SLC2A6: variants seen among roughly 807,000 people sequenced by gnomAD.
The protein encoded by SLC2A6 is solute carrier family 2, facilitated glucose transporter member 6.
In SLC2A6, 39 loss-of-function variants were observed where a neutral mutation model predicts 47.8. The ratio of observed to expected loss-of-function variants is 0.82; its 90% CI spans 0.63 to 1.07. The LOEUF is 1.07. SLC2A6 is among the 50% of genes least tolerant of loss of function. The probability of loss-of-function intolerance (pLI) is 0.00; values close to 1 mark genes in which losing one functional copy is unlikely to be tolerated. For synonymous variants in SLC2A6, 346 were observed against 324.1 expected (o/e 1.07, Z -0.73); for missense variants, 650 against 707.6 (o/e 0.92, Z 0.92).
At chr9:133,474,331 T>C (rs888795520) in intron 6 of SLC2A6, among the ~76,000 whole-genome samples, 2 of 152,270 alleles carry the variant, frequency 1.3e-5, no homozygotes, top group African/African-American at 2.4e-5. Context: ...GGCGTGATGA[T>C]GACTTGCTGA....
rs974729300 is a variant in SLC2A6 at position 133,473,842 on chromosome 9, G to A, written c.1036+138C>T. On this transcript the variant is annotated intron_variant, in intron 7 of 9. Coordinates refer to ENST00000371899, the MANE Select transcript of SLC2A6 (RefSeq NM_017585.4). ...TTTCTGGACCACTGGCCTGGGCCAG[G>A]GCCCTGCCGATGCTAGGGAGGCAGG... 211 of 809,586 alleles carry A rather than the reference G, an allele frequency of 2.6e-4. 1 individual carries two copies. Among genetic ancestry groups the A allele is most frequent in the Non-Finnish European group, 3.4e-4 (182 of 528,348 alleles). 50.2% of individuals were successfully genotyped at this position (809,586 alleles called of 1,614,324 possible). A position where few individuals can be genotyped will look rare whatever the true frequency, so the allele number is the denominator to read the frequency against.
In SLC2A6 at chr9:133,473,227, T is replaced by G. The variant is rs1843801153; in HGVS notation, c.1246A>C (p.Ile416Leu). The change falls in exon 9 of 10, where the codon ATC (isoleucine) becomes CTC (leucine). Residue 416 changes from isoleucine to leucine, a missense_variant. Transcript: ENST00000371899. ...IMGYAVGWGP[I>L]TWLLMSEVLP... ...ACCTCAGACATGAGCAGCCAGGTGA[T>G]GGGACCCCAGCCCACGGCGTAGCCT... 3 of 1,591,664 alleles carry G rather than the reference T, an allele frequency of 1.9e-6. No individual in the cohort carries two copies. In the East Asian group the frequency reaches 6.8e-5, roughly 36 times the overall value.
In SLC2A6 at chr9:133,472,132, G is replaced by C. The variant is rs1444415447; in HGVS notation, c.1413C>G (p.Ile471Met). ...CTGTGAACACCAGGCTCACCAAGCA[G>C]ATGGCCGCGAAGAAGAAGAAAGGCA... ...LQVPFFFFAAICLVSLVFTGC... is the reference protein window; with the variant it reads ...LQVPFFFFAAMCLVSLVFTGC... Residue 471 changes from isoleucine to methionine, a missense_variant, in exon 10 of 10, where the codon ATC becomes ATG. Transcript: ENST00000371899. 1.2e-6 allele frequency: 2 copies of C among 1,613,476 alleles called. No homozygotes were observed. The highest frequency in any genetic ancestry group is 1.7e-6 in the Non-Finnish European group (2 of 1,179,940).
intron 4 of SLC2A6, 128 bp downstream of exon 4, chr9:133,476,109 T>G: frequency 1.4e-6 from 1 of 732,100 alleles, no homozygotes. Flanking sequence ...GGGGCCGGGA[T>G]GCCAGATCTC....
chr9:133,471,871 C>T lies in SLC2A6; in HGVS notation c.*150G>A. The T allele has an allele frequency of 1.1e-6, 1 of 907,576 alleles. No homozygotes were observed. The highest frequency in any genetic ancestry group is 1.6e-6 in the Non-Finnish European group (1 of 613,668). 56.2% of individuals were successfully genotyped at this position (907,576 alleles called of 1,614,324 possible). A position where few individuals can be genotyped will look rare whatever the true frequency, so the allele number is the denominator to read the frequency against. On this transcript the variant is annotated 3_prime_UTR_variant, in exon 10 of 10. Transcript: ENST00000371899. ...TGCTACCTGTCCCGAGCCAGGGGCACCCGCTGCTGAGGCCCCATCACACTG... is the reference window on the plus strand; with the variant it reads ...TGCTACCTGTCCCGAGCCAGGGGCATCCGCTGCTGAGGCCCCATCACACTG...
intron 7 of SLC2A6, 79 bp from the exon 8 acceptor site, chr9:133,473,679 C>T (rs1247946011): frequency 7.3e-7 from 1 of 1,374,870 alleles, no homozygotes; most frequent in East Asian, 2.5e-5. Context: ...CTGCAGAGCC[C>T]CTTGATACTT....
chr9:133,478,483 C>G (rs1588247999), intron 1 of SLC2A6, 67 bp from the exon 2 acceptor site: 1 of 1,582,450 alleles, frequency 6.3e-7, no homozygotes, highest in Admixed American at 1.7e-5. Context: ...ATTGCCTTTT[C>G]TGAACCCAGT....
chr9:133,473,065 A>T, intron 9 of SLC2A6, 40 bp downstream of exon 9: 2 of 1,566,970 alleles, frequency 1.3e-6, no homozygotes, highest in Non-Finnish European at 8.6e-7. Flanking sequence ...GGCCAGTCAG[A>T]GAGGGCCTAG....
At chr9:133,473,840 A>G in intron 7 of SLC2A6, 140 bp downstream of exon 7, 1 of 804,660 alleles carries the variant, frequency 1.2e-6, no homozygotes, top group Non-Finnish European at 1.9e-6. Context: ...GGCCTGGGCC[A>G]GGGCCCTGCC....
In SLC2A6 at chr9:133,471,797, A is replaced by G; in HGVS notation, c.*224T>C. On this transcript the variant is annotated 3_prime_UTR_variant, in exon 10 of 10. Transcript: ENST00000371899. ...GTATGCACTCCTGCGGCCCATGGCTACGTGCAGCACTGTGGGCTGCCTGGG... is the reference window on the plus strand; with the variant it reads ...GTATGCACTCCTGCGGCCCATGGCTGCGTGCAGCACTGTGGGCTGCCTGGG... 1 of 536,996 alleles carries G rather than the reference A, an allele frequency of 1.9e-6. No homozygotes were observed. Among genetic ancestry groups the G allele is most frequent in the Non-Finnish European group, 3.3e-6 (1 of 301,576 alleles). The allele number at this position is 536,996 out of a possible 1,614,324, so 33.3% of individuals were successfully genotyped here.
At chr9:133,473,782 A>T in intron 7 of SLC2A6, 182 bp from the exon 8 acceptor site, 1 of 757,070 alleles carries the variant, frequency 1.3e-6, no homozygotes. Context: ...GTGGAGTGTC[A>T]CAGCCAGTGT....
intron 4 of SLC2A6, 146 bp downstream of exon 4, chr9:133,476,091 G>T: frequency 1.5e-6 from 1 of 658,708 alleles, no homozygotes; most frequent in Non-Finnish European, 2.6e-6. Context: ...GCAAGGTGCT[G>T]ACTGAGTGGG....
At chr9:133,476,079 C>T in intron 4 of SLC2A6, 158 bp downstream of exon 4, 1 of 614,952 alleles carries the variant, frequency 1.6e-6, no homozygotes, top group East Asian at 2.9e-5. Flanking sequence ...TGGAGGTGCC[C>T]AGCAAGGTGC....
rs1843801153 is a variant in SLC2A6, at chr9:133,473,227, T to C, written c.1246A>G (p.Ile416Val). 6.3e-7 allele frequency: 1 copy of C among 1,591,664 alleles called. No individual in the cohort carries two copies. Reference sequence around the variant, plus strand: ...ACCTCAGACATGAGCAGCCAGGTGATGGGACCCCAGCCCACGGCGTAGCCT... The same window carrying C: ...ACCTCAGACATGAGCAGCCAGGTGACGGGACCCCAGCCCACGGCGTAGCCT... ...IMGYAVGWGP[I>V]TWLLMSEVLP... The change falls in exon 9 of 10, where the codon ATC (isoleucine) becomes GTC (valine). Residue 416 changes from isoleucine to valine, a missense_variant. By Grantham distance (29) the Ile-to-Val change is conservative (BLOSUM62 3). Coordinates refer to ENST00000371899, the MANE Select transcript of SLC2A6 (RefSeq NM_017585.4).
rs1231806882 is a variant in SLC2A6 at position 133,471,330 on chromosome 9, A to C, written c.*691T>G. 1 of 151,268 alleles carries C rather than the reference A, an allele frequency of 6.6e-6. No homozygotes were observed. The highest frequency in any genetic ancestry group is 2.0e-4 in the East Asian group (1 of 5,128). The allele number at this position is 151,268 out of a possible 1,614,324, so 9.4% of individuals were successfully genotyped here. On this transcript the variant is annotated 3_prime_UTR_variant, in exon 10 of 10. Coordinates refer to ENST00000371899, the MANE Select transcript of SLC2A6 (RefSeq NM_017585.4). ...CAGCCTCCACCTCCCGGGTTCAAGCAATGCTGCCTCAGCCTCCCAAGTAGC... is the reference window on the plus strand; with the variant it reads ...CAGCCTCCACCTCCCGGGTTCAAGCCATGCTGCCTCAGCCTCCCAAGTAGC...
At chr9:133,477,793 C>T (rs1012170009) in intron 2 of SLC2A6, among the ~76,000 whole-genome samples, 4 of 152,248 alleles carry the variant, frequency 2.6e-5, no homozygotes, top group Admixed American at 2.6e-4. Flanking sequence ...GAATTTTTAT[C>T]TTAACTACTA....
In SLC2A6 at chr9:133,471,947, C is replaced by T. The variant is rs587713842; in HGVS notation, c.*74G>A. 3 of 1,526,012 alleles carry T rather than the reference C, an allele frequency of 2.0e-6. No individual in the cohort carries two copies. Among genetic ancestry groups the T allele is most frequent in the Admixed American group, 1.9e-5 (1 of 52,904 alleles). The allele number at this position is 1,526,012 out of a possible 1,614,324, so 94.5% of individuals were successfully genotyped here. A position where few individuals can be genotyped will look rare whatever the true frequency, so the allele number is the denominator to read the frequency against. On this transcript the variant is annotated 3_prime_UTR_variant, in exon 10 of 10. Coordinates refer to ENST00000371899, the MANE Select transcript of SLC2A6 (RefSeq NM_017585.4). ...AGGGATGACTGCTGCCTCTTGGTCC[C>T]AGGGTGCAGGTTTGTAGCCAACACA...
chr9:133,478,148 C>G, intron 2 of SLC2A6, 106 bp downstream of exon 2: 5 of 1,299,330 alleles, frequency 3.8e-6, no homozygotes, highest in Non-Finnish European at 5.4e-6. Context: ...GACCAGGGCC[C>G]TGGAGGGACC....
In SLC2A6 at chr9:133,476,217, G is replaced by T; in HGVS notation, c.562+20C>A. The T allele has an allele frequency of 6.3e-7, 1 of 1,591,380 alleles. No individual in the cohort carries two copies. On this transcript the variant is annotated intron_variant, in intron 4 of 9. Coordinates refer to ENST00000371899, the MANE Select transcript of SLC2A6 (RefSeq NM_017585.4). ...ACCCCTCCCACCAGCCTGCACACAG[G>T]AGTGCGGGGCCATACTTGCCAAGGG...
Sources: allele counts gnomAD v4.1 joint callset (sites outside exome capture counted in the v4.1 genomes callset), GRCh38; gene constraint gnomAD v4.1.1; transcripts MANE v1.5; gene names NCBI Gene and HGNC (gene_info 2026-07-23, HGNC 2026-07-21).